SEC23A: variants seen among roughly 807,000 people sequenced by gnomAD.
SEC23A encodes SEC23 homolog A, COPII component, also known as protein transport protein Sec23A.
A neutral mutation model predicts 103.7 loss-of-function variants in SEC23A; 56 were observed. The ratio of observed to expected loss-of-function variants is 0.54; its 90% CI spans 0.44 to 0.67. The LOEUF (loss-of-function observed/expected upper bound fraction) is 0.67, where lower values mean the gene tolerates loss of function less well. Ranked by LOEUF, SEC23A falls within the 30% of genes least tolerant of loss-of-function variation. The pLI is 0.00. For synonymous variants in SEC23A, 281 were observed against 293.0 expected (o/e 0.96, Z 0.42); for missense variants, 784 against 936.4 (o/e 0.84, Z 2.12).
At chr14:39,094,213 T>C (rs1887760564) in intron 2 of SEC23A, among the ~76,000 whole-genome samples, 1 of 120,728 alleles carries the variant, frequency 8.3e-6, no homozygotes, top group African/African-American at 2.8e-5. Flanking sequence ...TATATATGCA[T>C]ATATACACAT....
At position 39,052,828 on chromosome 14, in the gene SEC23A, A is replaced by G. The variant is rs1886113985; in HGVS notation, c.1659+2315T>C. ...CAATATGTAAAATCACAGTAAGTGAAAATGCTAGGACAAGATGCTGTCTGA... is the reference window on the plus strand; with the variant it reads ...CAATATGTAAAATCACAGTAAGTGAGAATGCTAGGACAAGATGCTGTCTGA... On this transcript the variant is annotated intron_variant, in intron 14 of 19. Transcript: ENST00000307712. Among the ~76,000 whole-genome samples, 3 of 152,196 alleles carry G rather than the reference A, an allele frequency of 2.0e-5. No individual in the cohort carries two copies. In the South Asian group the frequency reaches 6.2e-4, roughly 31 times the overall value.
intron 17 of SEC23A, chr14:39,041,189 C>T (rs559374544): frequency 1.3e-5 from 3 of 226,298 alleles, no homozygotes; most frequent in Non-Finnish European, 2.6e-5. Context: ...GCTTATGATA[C>T]GTGAAAGCAA....
chr14:39,067,825 C>T (rs922799515), intron 9 of SEC23A, among the ~76,000 whole-genome samples: 5 of 151,926 alleles, frequency 3.3e-5, no homozygotes, highest in Admixed American at 2.6e-4. Flanking sequence ...TGCACCAACA[C>T]GCCCAGCTAA....
At chr14:39,041,767 G>A (rs1885655127) in intron 17 of SEC23A, among the ~76,000 whole-genome samples, 2 of 151,402 alleles carry the variant, frequency 1.3e-5, no homozygotes, top group African/African-American at 2.4e-5. Flanking sequence ...TACCCAGAAG[G>A]CTGAGACAGG....
At chr14:39,047,336 C>A in intron 15 of SEC23A, 1 of 1,230,392 alleles carries the variant, frequency 8.1e-7, no homozygotes, top group Non-Finnish European at 1.1e-6. Context: ...GTTTCTGCTA[C>A]AAAAATGACA....
intron 5 of SEC23A, chr14:39,088,774 C>G (rs768251390): frequency 6.6e-6 from 1 of 151,598 alleles, no homozygotes; most frequent in East Asian, 2.0e-4. Context: ...GTGGCTCACA[C>G]CTGTAATCCC....
chr14:39,068,772 T>C (rs1433098594), intron 9 of SEC23A, among the ~76,000 whole-genome samples: 1 of 152,150 alleles, frequency 6.6e-6, no homozygotes, highest in Non-Finnish European at 1.5e-5. Flanking sequence ...CAATAAAAGA[T>C]ACAATCAAAA....
chr14:39,042,299 T>C (rs940391187), intron 17 of SEC23A, among the ~76,000 whole-genome samples: 3 of 152,222 alleles, frequency 2.0e-5, no homozygotes, highest in Non-Finnish European at 4.4e-5. Flanking sequence ...GATTAAAGCT[T>C]AATAGCTACT....
At chr14:39,082,529 A>C (rs1469315266) in intron 7 of SEC23A, among the ~76,000 whole-genome samples, 1 of 152,168 alleles carries the variant, frequency 6.6e-6, no homozygotes, top group African/African-American at 2.4e-5. Flanking sequence ...ACAGTGACAA[A>C]AACAACCTTA....
rs1012218638 is a variant in SEC23A, at chr14:39,058,497, C to A, written c.1506-3201G>T. On this transcript the variant is annotated intron_variant, in intron 13 of 19. Coordinates refer to ENST00000307712, the MANE Select transcript of SEC23A (RefSeq NM_006364.4). ...TAATTTTTTGTATTTTTAGTAGAGA[C>A]GGGGTTTCACCTTGTTAGCCAGGAT... 3.9e-5 allele frequency among the ~76,000 whole-genome samples: 6 copies of A among 152,010 alleles called. No individual in the cohort carries two copies. The South Asian group carries it at 8.3e-4, about 21-fold the overall frequency.
intron 16 of SEC23A, among the ~76,000 whole-genome samples, 170 bp from the exon 17 acceptor site, chr14:39,043,042 T>C (rs376716867): frequency 6.6e-6 from 1 of 152,258 alleles, no homozygotes; most frequent in African/African-American, 2.4e-5. Flanking sequence ...AGTGGCATGA[T>C]CTCAGCTCAC....
chr14:39,052,371 A>C (rs1169833720), intron 14 of SEC23A, among the ~76,000 whole-genome samples: 1 of 152,262 alleles, frequency 6.6e-6, no homozygotes, highest in Non-Finnish European at 1.5e-5. Flanking sequence ...AAGATATAAA[A>C]GAGAACAATT....
chr14:39,093,146 C>A lies in SEC23A; in HGVS notation c.279+41G>T, dbSNP rs780939952. The A allele has an allele frequency of 8.9e-6, 14 of 1,565,930 alleles. No homozygotes were observed. The African/African-American group carries it at 1.8e-4, about 20-fold the overall frequency. ...CCTCCCAAAGTGCTGGGATTACAGGCATGAGCCACTGCGCCCGGCATGCAA... is the reference window on the plus strand; with the variant it reads ...CCTCCCAAAGTGCTGGGATTACAGGAATGAGCCACTGCGCCCGGCATGCAA... On this transcript the variant is annotated intron_variant, in intron 3 of 19. Transcript: ENST00000307712.
At chr14:39,094,375 C>T (rs1408183985) in intron 2 of SEC23A, among the ~76,000 whole-genome samples, 2 of 11,710 alleles carry the variant, frequency 1.7e-4, no homozygotes, top group Admixed American at 1.2e-3. Context: ...TATATATATA[C>T]ACACACACAC....
intron 1 of SEC23A, among the ~76,000 whole-genome samples, chr14:39,097,271 C>CA (rs1887920748): frequency 1.3e-5 from 2 of 152,142 alleles, no homozygotes; most frequent in African/African-American, 4.8e-5. Context: ...CTCATGCTCT[C>CA]AAACTGCAAC....
At chr14:39,095,103 G>C (rs1401554018) in intron 2 of SEC23A, 1 of 654,152 alleles carries the variant, frequency 1.5e-6, no homozygotes, top group Non-Finnish European at 2.7e-6. Flanking sequence ...TTGAAGCAGG[G>C]TATACTACCA....
chr14:39,035,049 CAG>C (rs1439488293), intron 19 of SEC23A, among the ~76,000 whole-genome samples: 2 of 152,124 alleles, frequency 1.3e-5, no homozygotes, highest in South Asian at 4.1e-4. Flanking sequence ...ATTAAAAATT[CAG>C]AGTCTGGAGT....
intron 14 of SEC23A, among the ~76,000 whole-genome samples, chr14:39,052,802 C>A (rs1886113137): frequency 6.6e-6 from 1 of 152,048 alleles, no homozygotes; most frequent in African/African-American, 2.4e-5. Flanking sequence ...AAGAATATTG[C>A]CAATATGTAA....
intron 14 of SEC23A, among the ~76,000 whole-genome samples, chr14:39,049,265 C>G (rs1035041617): frequency 6.6e-6 from 1 of 151,834 alleles, no homozygotes; most frequent in African/African-American, 2.4e-5. Flanking sequence ...ATCACAAGGT[C>G]AGGAGTTCGA....
Sources: gnomAD v4.1 joint callset for allele counts (sites outside exome capture counted in the v4.1 genomes callset) on GRCh38, gnomAD v4.1.1 for gene constraint, MANE v1.5 for transcripts, NCBI Gene and HGNC (gene_info 2026-07-23, HGNC 2026-07-21) for gene names.